Variants in LRRTM4 observed in about 807,000 individuals in gnomAD.
LRRTM4 encodes the protein leucine rich repeat transmembrane neuronal 4.
Under a neutral mutation model 47.6 loss-of-function variants are expected in LRRTM4, and 25 were observed. The ratio of observed to expected loss-of-function variants is 0.53; its 90% CI spans 0.38 to 0.73. The LOEUF is 0.73. Ranked by LOEUF, LRRTM4 falls within the 30% of genes least tolerant of loss-of-function variation. LRRTM4 has a pLI of 0.00. For missense variants in LRRTM4, 638 were observed against 713.4 expected, an observed-to-expected ratio of 0.89 and a Z score of 1.20; for synonymous variants, 311 against 269.5, an observed-to-expected ratio of 1.15 and a Z score of -1.51.
chr2:76,913,183 T>C (rs1253962041), intron 3 of LRRTM4, among the ~76,000 whole-genome samples: 1 of 152,168 alleles, frequency 6.6e-6, no homozygotes, highest in Non-Finnish European at 1.5e-5. Flanking sequence ...CTTGACCCAT[T>C]TGTTTGAAAT....
chr2:76,882,403 T>C (rs1050440595), intron 3 of LRRTM4, among the ~76,000 whole-genome samples: 2 of 151,906 alleles, frequency 1.3e-5, no homozygotes, highest in Admixed American at 1.3e-4. Flanking sequence ...GAGAAATGTA[T>C]AAAAAAGGCC....
chr2:77,458,866 T>C (rs540448070), intron 3 of LRRTM4, among the ~76,000 whole-genome samples: 2 of 151,956 alleles, frequency 1.3e-5, no homozygotes, highest in East Asian at 1.9e-4. Flanking sequence ...ATTTTAAATA[T>C]GTAAGCTCTG....
At chr2:76,766,086 T>A (rs1350407443) in intron 3 of LRRTM4, among the ~76,000 whole-genome samples, 1 of 152,174 alleles carries the variant, frequency 6.6e-6, no homozygotes, top group Non-Finnish European at 1.5e-5. Context: ...CTGGGATCTT[T>A]CTCCAGAGAA....
intron 3 of LRRTM4, among the ~76,000 whole-genome samples, chr2:76,773,428 T>C (rs1301301148): frequency 6.6e-6 from 1 of 152,232 alleles, no homozygotes; most frequent in East Asian, 1.9e-4. Flanking sequence ...ACAATTCTTC[T>C]TTGACAAAAC....
rs925330692 is a variant in LRRTM4, at chr2:77,196,058, GGAA to G, written c.1551+322257_1551+322259del. Among the ~76,000 whole-genome samples, 73 of 152,188 alleles carry G rather than the reference GGAA, an allele frequency of 4.8e-4. 1 individual carries two copies. Among genetic ancestry groups the G allele is most frequent in the Middle Eastern group, 3.4e-3 (1 of 294 alleles). On this transcript the variant is annotated intron_variant, in intron 3 of 3. Coordinates refer to ENST00000409884, the MANE Select transcript of LRRTM4 (RefSeq NM_001134745.3). ...AATTAAAACCCAAATATATTACCTT[GGAA>G]GAAGAAGATGTTTAACATTTATTAG...
At chr2:77,400,038 T>C (rs914333695) in intron 3 of LRRTM4, among the ~76,000 whole-genome samples, 2 of 151,764 alleles carry the variant, frequency 1.3e-5, no homozygotes, top group African/African-American at 2.4e-5. Flanking sequence ...CTAAATGAGA[T>C]AATGCCATCT....
intron 3 of LRRTM4, among the ~76,000 whole-genome samples, chr2:77,207,913 T>A: frequency 1.4e-5 from 2 of 143,016 alleles, no homozygotes; most frequent in Non-Finnish European, 3.1e-5. Context: ...AGTCTTGCTT[T>A]TTTCACCCAG....
rs373219254 is a variant in LRRTM4, at chr2:76,899,696, T to C, written c.1552-150780A>G. On this transcript the variant is annotated intron_variant, in intron 3 of 3. Coordinates refer to ENST00000409884, the MANE Select transcript of LRRTM4 (RefSeq NM_001134745.3). ...TGGATGGAATTACTAGGAATATTGA[T>C]AGACTTTATTACGTATGCATTTACA... 2.1e-4 allele frequency among the ~76,000 whole-genome samples: 32 copies of C among 152,266 alleles called. No homozygotes were observed. In the South Asian group the frequency reaches 6.6e-3, roughly 32 times the overall value.
At chr2:77,411,618 ATTT>A (rs1222177148) in intron 3 of LRRTM4, among the ~76,000 whole-genome samples, 28 of 64,794 alleles carry the variant, frequency 4.3e-4, no homozygotes, top group South Asian at 2.0e-3. Context: ...ATGCCCGGCT[ATTT>A]TTTTTTTTTT....
chr2:76,877,067 T>G (rs1244024384), intron 3 of LRRTM4, among the ~76,000 whole-genome samples: 2 of 152,092 alleles, frequency 1.3e-5, no homozygotes, highest in African/African-American at 4.8e-5. Context: ...TATTAGGGTT[T>G]TTGATAAATA....
chr2:77,299,661 C>A (rs919980504), intron 3 of LRRTM4, among the ~76,000 whole-genome samples: 4 of 151,954 alleles, frequency 2.6e-5, no homozygotes, highest in African/African-American at 9.7e-5. Flanking sequence ...CTAAGTAAAA[C>A]TGTTGCATTC....
chr2:77,175,601 T>G (rs1429014967), intron 3 of LRRTM4, among the ~76,000 whole-genome samples: 1 of 152,172 alleles, frequency 6.6e-6, no homozygotes, highest in African/African-American at 2.4e-5. Flanking sequence ...TGATGCAACG[T>G]GACCTTTTGA....
At chr2:77,455,298 G>C (rs1573438331) in intron 3 of LRRTM4, among the ~76,000 whole-genome samples, 1 of 152,140 alleles carries the variant, frequency 6.6e-6, no homozygotes. Context: ...TTCAAATATT[G>C]GTTTTTATAC....
At chr2:76,906,137 C>G (rs1406511434) in intron 3 of LRRTM4, among the ~76,000 whole-genome samples, 1 of 152,216 alleles carries the variant, frequency 6.6e-6, no homozygotes, top group Non-Finnish European at 1.5e-5. Flanking sequence ...ATCAGACTAA[C>G]AGCTGATCTC....
chr2:76,983,394 C>T (rs1240397060), intron 3 of LRRTM4, among the ~76,000 whole-genome samples: 1 of 152,122 alleles, frequency 6.6e-6, no homozygotes, highest in African/African-American at 2.4e-5. Context: ...CTAATTGAAT[C>T]ATCTGGGCGG....
chr2:77,099,848 T>C (rs1670904918), intron 3 of LRRTM4, among the ~76,000 whole-genome samples: 1 of 152,104 alleles, frequency 6.6e-6, no homozygotes, highest in Non-Finnish European at 1.5e-5. Context: ...TTCTTGAACA[T>C]AATTTTAAAA....
rs183756864 is a variant in LRRTM4, at chr2:77,482,257, A to G, written c.1551+36061T>C. 1.0e-3 allele frequency among the ~76,000 whole-genome samples: 154 copies of G among 152,310 alleles called. 1 individual carries two copies. Among genetic ancestry groups the G allele is most frequent in the Admixed American group, 2.5e-3 (38 of 15,302 alleles). ...CAATCTTTATTCCAACTGTGAGAGAACAAGAAGAACACTTATTTCTCATTT... is the reference window on the plus strand; with the variant it reads ...CAATCTTTATTCCAACTGTGAGAGAGCAAGAAGAACACTTATTTCTCATTT... On this transcript the variant is annotated intron_variant, in intron 3 of 3. Transcript: ENST00000409884.
chr2:76,828,344 T>A (rs1447207383), intron 3 of LRRTM4, among the ~76,000 whole-genome samples: 1 of 151,914 alleles, frequency 6.6e-6, no homozygotes, highest in Admixed American at 6.6e-5. Flanking sequence ...GAATCCTATA[T>A]GTGTAGTGTC....
chr2:77,070,707 T>C (rs1403436707), intron 3 of LRRTM4, among the ~76,000 whole-genome samples: 1 of 152,190 alleles, frequency 6.6e-6, no homozygotes, highest in African/African-American at 2.4e-5. Flanking sequence ...CTCCGCTCAC[T>C]GCATCTTCTG....
Sources: gnomAD v4.1 joint callset for allele counts (sites outside exome capture counted in the v4.1 genomes callset) on GRCh38, gnomAD v4.1.1 for gene constraint, MANE v1.5 for transcripts, NCBI Gene and HGNC (gene_info 2026-07-23, HGNC 2026-07-21) for gene names.